Variants in KCNV2 observed in about 807,000 individuals in gnomAD.
KCNV2 encodes the protein potassium voltage-gated channel subfamily V member 2.
Under a neutral mutation model 37.0 loss-of-function variants are expected in KCNV2, and 65 were observed. The ratio of observed to expected loss-of-function variants is 1.76; its 90% confidence interval spans 1.44 to 2.16. The LOEUF (loss-of-function observed/expected upper bound fraction) is 2.16. KCNV2 is among the 30% of genes most tolerant of loss of function. The probability of loss-of-function intolerance (pLI) is 0.00; values close to 1 mark genes in which losing one functional copy is unlikely to be tolerated. For missense variants in KCNV2, 1,232 were observed against 766.7 expected (o/e 1.61, Z -7.17); for synonymous variants, 518 against 328.6 (o/e 1.58, Z -6.23).
chr9:2,724,678 C>G (rs1181755192), intron 1 of KCNV2, among the ~76,000 whole-genome samples: 1 of 152,212 alleles, frequency 6.6e-6, no homozygotes, highest in African/African-American at 2.4e-5. Flanking sequence ...AATGCCTGAA[C>G]CATAGCTATT....
Position 2,717,989 on chromosome 9 carries a change from G to C in KCNV2, c.250G>C (p.Ala84Pro), listed in dbSNP as rs375827258. 1.5e-5 allele frequency: 25 copies of C among 1,613,984 alleles called. No homozygotes were observed. The highest frequency in any genetic ancestry group is 2.1e-5 in the Non-Finnish European group (25 of 1,180,012). ...CCAGCAGGCAGGGGAGGTCACCACC[G>C]CCAAGCCCGAGGGCCCCAGCGACCC... ...EDQQAGEVTT[A>P]KPEGPSDPPA... Residue 84 changes from alanine to proline, a missense_variant, in exon 1 of 2, where the codon GCC becomes CCC. Physicochemically the swap from Ala to Pro is conservative, Grantham distance 27. Transcript: ENST00000382082.
chr9:2,718,757 C>T lies in KCNV2; in HGVS notation c.1018C>T (p.Leu340=), dbSNP rs1819799455. 6.2e-7 allele frequency: 1 copy of T among 1,611,808 alleles called. No individual in the cohort carries two copies. Among genetic ancestry groups the T allele is most frequent in the Non-Finnish European group, 8.5e-7 (1 of 1,179,888 alleles). ...FARSALNLVD[L]VAILPLYLQL... ...GCGCAGCGCCCTCAACCTGGTGGAC[C>T]TGGTGGCCATCCTGCCGCTCTACCT... The change falls in exon 1 of 2, where the codon CTG becomes TTG. Residue 340 remains leucine (L), a synonymous_variant. Transcript: ENST00000382082.
chr9:2,717,785 T>C lies in KCNV2; in HGVS notation c.46T>C (p.Trp16Arg), dbSNP rs1313275350. 1.2e-6 allele frequency: 2 copies of C among 1,614,174 alleles called. No individual in the cohort carries two copies. Among genetic ancestry groups the C allele is most frequent in the South Asian group, 1.1e-5 (1 of 91,082 alleles). The change falls in exon 1 of 2, where the codon TGG (tryptophan) becomes CGG (arginine). Residue 16 changes from tryptophan to arginine, a missense_variant. Transcript: ENST00000382082. ...ERRRSWSYRP[W>R]NTTENEGSQH... is the part of the protein sequence containing the mutation. ...GAGACGGTCCTGGAGCTACAGGCCC[T>C]GGAACACGACGGAGAATGAGGGCAG...
Position 2,717,912 on chromosome 9 carries a change from A to G in KCNV2, c.173A>G (p.Asp58Gly). Residue 58 changes from aspartate (D) to glycine (G), a missense_variant, in exon 1 of 2, where the codon GAC becomes GGC. Coordinates refer to ENST00000382082, the MANE Select transcript of KCNV2 (RefSeq NM_133497.4). Reference sequence around the variant, plus strand: ...AACTATAACTACTACATCGAGGAAGACGAAGACGGCGAGGAGGAGGACCAG... The same window carrying G: ...AACTATAACTACTACATCGAGGAAGGCGAAGACGGCGAGGAGGAGGACCAG... ...EGNYNYYIEE[D>G]EDGEEEDQWK... is the part of the protein sequence containing the mutation. 1 of 1,614,176 alleles carries G rather than the reference A, an allele frequency of 6.2e-7. No homozygotes were observed. The highest frequency in any genetic ancestry group is 1.1e-5 in the South Asian group (1 of 91,082).
chr9:2,724,714 G>A (rs1054306864), intron 1 of KCNV2, among the ~76,000 whole-genome samples: 1 of 152,218 alleles, frequency 6.6e-6, no homozygotes, highest in Non-Finnish European at 1.5e-5. Context: ...AATGAAGGCA[G>A]AAACCAGAGG....
chr9:2,719,191 G>T (rs553161580), intron 1 of KCNV2, 96 bp downstream of exon 1: 1 of 1,384,704 alleles, frequency 7.2e-7, no homozygotes, highest in African/African-American at 1.4e-5. Context: ...TTTGGCTTCT[G>T]ATCCTCGTCT....
In KCNV2 at chr9:2,718,305, G is replaced by A. The variant is rs1242677661; in HGVS notation, c.566G>A (p.Gly189Asp). 3 of 1,609,226 alleles carry A rather than the reference G, an allele frequency of 1.9e-6. No individual in the cohort carries two copies. The highest frequency in any genetic ancestry group is 2.5e-6 in the Non-Finnish European group (3 of 1,179,202). Residue 189 changes from glycine to aspartate, a missense_variant, in exon 1 of 2, where the codon GGC becomes GAC. Gly to Asp is a moderately conservative substitution (Grantham distance 94, BLOSUM62 -1). Transcript: ENST00000382082. ...RRFLEELGYW[G>D]VRLKYTPRCC... ...TTCCTGGAGGAGCTGGGCTACTGGG[G>A]CGTGCGGCTCAAGTACACGCCACGC...
chr9:2,727,618 A>G (rs1020165700), intron 1 of KCNV2, among the ~76,000 whole-genome samples: 1 of 152,144 alleles, frequency 6.6e-6, no homozygotes, highest in Non-Finnish European at 1.5e-5. Flanking sequence ...TAACGTATAT[A>G]GAGTTGCTGG....
Position 2,729,662 on chromosome 9 carries a change from A to C in KCNV2, c.1573A>C (p.Arg525=). The C allele has an allele frequency of 6.2e-7, 1 of 1,614,160 alleles. No homozygotes were observed. The highest frequency in any genetic ancestry group is 8.5e-7 in the Non-Finnish European group (1 of 1,180,000). The change falls in exon 2 of 2, where the codon AGA becomes CGA. Residue 525 remains arginine, a synonymous_variant. Coordinates refer to ENST00000382082, the MANE Select transcript of KCNV2 (RefSeq NM_133497.4). ...AGAGGTGAACTTCATGCAGAGAGCC[A>C]GAAAGAAGATAGCTGAGTGTTTGCT... ...RGEVNFMQRA[R]KKIAECLLGS...
intron 1 of KCNV2, 107 bp downstream of exon 1, chr9:2,719,202 T>C: frequency 8.0e-7 from 1 of 1,250,186 alleles, no homozygotes; most frequent in East Asian, 2.5e-5. Flanking sequence ...ATCCTCGTCT[T>C]CCCCCCCACC....
chr9:2,717,959 G>C lies in KCNV2; in HGVS notation c.220G>C (p.Glu74Gln), dbSNP rs756949524. The C allele has an allele frequency of 3.1e-6, 5 of 1,614,196 alleles. No homozygotes were observed. The highest frequency in any genetic ancestry group is 1.7e-5 in the Admixed American group (1 of 60,030). Reference sequence around the variant, plus strand: ...CCAGTGGAAGGACGACCTGGCAGAAGAGGACCAGCAGGCAGGGGAGGTCAC... The same window carrying C: ...CCAGTGGAAGGACGACCTGGCAGAACAGGACCAGCAGGCAGGGGAGGTCAC... The part of the protein sequence containing the change: ...EDQWKDDLAE[E>Q]DQQAGEVTTA... The change falls in exon 1 of 2, where the codon GAG (glutamate) becomes CAG (glutamine). Residue 74 changes from glutamate to glutamine, a missense_variant. Glu to Gln is a conservative substitution (Grantham distance 29, BLOSUM62 2). Transcript: ENST00000382082.
Position 2,722,320 on chromosome 9 carries a change from T to C in KCNV2, c.1356+3225T>C, listed in dbSNP as rs1376763622. 1.5e-4 allele frequency among the ~76,000 whole-genome samples: 21 copies of C among 139,498 alleles called. 1 individual carries two copies. Among genetic ancestry groups the C allele is most frequent in the African/African-American group, 4.4e-4 (16 of 36,408 alleles). The allele number at this position is 139,498 out of a possible 152,430, so 91.5% of individuals were successfully genotyped here. On this transcript the variant is annotated intron_variant, in intron 1 of 1. Coordinates refer to ENST00000382082, the MANE Select transcript of KCNV2 (RefSeq NM_133497.4). ...TTATAAATTAGAAGTTATTTATAAA[T>C]AAATTAGAAGTTATTTATAAATAAA...
intron 1 of KCNV2, among the ~76,000 whole-genome samples, chr9:2,722,999 G>A (rs1279130610): frequency 6.6e-6 from 1 of 152,166 alleles, no homozygotes; most frequent in African/African-American, 2.4e-5. Context: ...ACATGGCCAA[G>A]CTGCAAGTCA....
chr9:2,725,283 A>G (rs1006698), intron 1 of KCNV2, among the ~76,000 whole-genome samples: 3 of 151,998 alleles, frequency 2.0e-5, no homozygotes, highest in African/African-American at 7.2e-5. Context: ...GGTTGTTATT[A>G]TCCTGAAGGT....
At chr9:2,728,679 C>A (rs765021739) in intron 1 of KCNV2, among the ~76,000 whole-genome samples, 2 of 152,088 alleles carry the variant, frequency 1.3e-5, no homozygotes, top group Non-Finnish European at 2.9e-5. Context: ...AATTAAAGCA[C>A]CTTCACATAA....
In KCNV2 at chr9:2,717,553, C is replaced by T. The variant is rs1819750971; in HGVS notation, c.-187C>T. 2 of 663,070 alleles carry T rather than the reference C, an allele frequency of 3.0e-6. No homozygotes were observed. The highest frequency in any genetic ancestry group is 1.8e-5 in the South Asian group (1 of 54,358). The allele number at this position is 663,070 out of a possible 1,614,324, so 41.1% of individuals were successfully genotyped here. On this transcript the variant is annotated 5_prime_UTR_variant, in exon 1 of 2. Transcript: ENST00000382082. ...CTGCGTTCAGACCCTGCAGGCTGGGCTGGCCTGCCCAGGACCTGAGAAGGG... is the reference window on the plus strand; with the variant it reads ...CTGCGTTCAGACCCTGCAGGCTGGGTTGGCCTGCCCAGGACCTGAGAAGGG...
Position 2,718,165 on chromosome 9 carries a change from CGAG to C in KCNV2, c.430_432del (p.Glu144del). 6.2e-7 allele frequency: 1 copy of C among 1,612,808 alleles called. No homozygotes were observed. The highest frequency in any genetic ancestry group is 1.6e-4 in the Middle Eastern group (1 of 6,062). On this transcript the variant is annotated inframe_deletion, in exon 1 of 2. Transcript: ENST00000382082. ...GCCAGCTAAGCCTGTGCGACGACTA[CGAG>C]GAGCAGACAGACGAATACTTCTTCG... is the stretch of plus-strand genomic sequence containing the variant.
rs1554628481 is a variant in KCNV2 at position 2,717,921 on chromosome 9, G to A, written c.182G>A (p.Gly61Asp). The A allele has an allele frequency of 1.2e-6, 2 of 1,614,128 alleles. No individual in the cohort carries two copies. The highest frequency in any genetic ancestry group is 2.2e-5 in the East Asian group (1 of 44,856). Residue 61 changes from glycine (G) to aspartate (D), a missense_variant, in exon 1 of 2, where the codon GGC becomes GAC. Transcript: ENST00000382082. ...TACTACATCGAGGAAGACGAAGACG[G>A]CGAGGAGGAGGACCAGTGGAAGGAC... ...YNYYIEEDED[G>D]EEEDQWKDDL... is the part of the protein sequence containing the mutation.
At position 2,718,684 on chromosome 9, in the gene KCNV2, C is replaced by G. The variant is rs774378296; in HGVS notation, c.945C>G (p.Leu315=). 2.5e-6 allele frequency: 4 copies of G among 1,613,346 alleles called. No homozygotes were observed. Among genetic ancestry groups the G allele is most frequent in the Non-Finnish European group, 3.4e-6 (4 of 1,179,854 alleles). ...VEMLCMGFFT[L]EYLLRLASTP... The stretch of plus-strand genomic sequence containing the variant: ...TGCTGTGCATGGGCTTCTTCACGCT[C>G]GAGTACCTGCTGCGCCTAGCCTCCA... Residue 315 remains leucine (L), a synonymous_variant, in exon 1 of 2, where the codon CTC becomes CTG. Transcript: ENST00000382082.
Sources: gnomAD v4.1 joint callset for allele counts (sites outside exome capture counted in the v4.1 genomes callset) on GRCh38, gnomAD v4.1.1 for gene constraint, MANE v1.5 for transcripts, NCBI Gene and HGNC (gene_info 2026-07-23, HGNC 2026-07-21) for gene names.